Variants in PPP2R2B observed in about 807,000 individuals in gnomAD.
PPP2R2B encodes the protein serine/threonine-protein phosphatase 2A 55 kDa regulatory subunit B beta isoform.
Under a neutral mutation model 46.0 loss-of-function variants are expected in PPP2R2B, and 5 were observed. The observed-to-expected ratio is 0.11, with a 90% CI of 0.06 to 0.23. The LOEUF is 0.23. PPP2R2B is among the 10% of genes least tolerant of loss of function. PPP2R2B has a pLI of 1.00. For synonymous variants in PPP2R2B, 215 were observed against 206.7 expected, an observed-to-expected ratio of 1.04 and a Z score of -0.34; for missense variants, 367 against 575.0, an observed-to-expected ratio of 0.64 and a Z score of 3.70.
At chr5:146,910,482 A>T (rs1415366381) in intron 1 of PPP2R2B, among the ~76,000 whole-genome samples, 1 of 152,162 alleles carries the variant, frequency 6.6e-6, no homozygotes, top group African/African-American at 2.4e-5. Context: ...TTTATCCTTA[A>T]ATTTTGTGCC....
chr5:146,592,012 CAG>C (rs1381798050), intron 9 of PPP2R2B: 1 of 339,744 alleles, frequency 2.9e-6, no homozygotes, highest in Non-Finnish European at 5.6e-6. Flanking sequence ...GCAATAATAA[CAG>C]ATATGTAAAT....
chr5:147,071,637 A>ATT (rs143497424), intron 2 of PPP2R2B, among the ~76,000 whole-genome samples: 11 of 149,650 alleles, frequency 7.4e-5, no homozygotes, highest in African/African-American at 2.7e-4. Flanking sequence ...ACAAGACGAT[A>ATT]TTTTTTTTTT....
At chr5:146,701,531 C>T (rs1362168569) in intron 2 of PPP2R2B, among the ~76,000 whole-genome samples, 1 of 152,128 alleles carries the variant, frequency 6.6e-6, no homozygotes, top group African/African-American at 2.4e-5. Flanking sequence ...GGCTTCAGTT[C>T]TGGCTATTCA....
chr5:147,078,212 T>C (rs1757849497), intron 2 of PPP2R2B, among the ~76,000 whole-genome samples: 1 of 152,224 alleles, frequency 6.6e-6, no homozygotes, highest in Admixed American at 6.5e-5. Context: ...TTTATATTAA[T>C]AGCTTACAAA....
At chr5:146,820,933 G>A (rs941325139) in intron 2 of PPP2R2B, among the ~76,000 whole-genome samples, 8 of 151,810 alleles carry the variant, frequency 5.3e-5, no homozygotes, top group African/African-American at 1.7e-4. Flanking sequence ...CCTTTTCCAC[G>A]CCATGCCCTC....
chr5:147,043,036 G>A (rs908345829), intron 1 of PPP2R2B, among the ~76,000 whole-genome samples: 3 of 152,066 alleles, frequency 2.0e-5, no homozygotes, highest in African/African-American at 4.8e-5. Flanking sequence ...GTTATTTCTA[G>A]GCTGCAGAAT....
At chr5:147,048,712 C>T (rs1402452693) in intron 1 of PPP2R2B, among the ~76,000 whole-genome samples, 1 of 152,092 alleles carries the variant, frequency 6.6e-6, no homozygotes, top group African/African-American at 2.4e-5. Context: ...GAAGGTCATC[C>T]AGCAGGTAAT....
At chr5:146,669,769 T>A (rs983005710) in intron 5 of PPP2R2B, among the ~76,000 whole-genome samples, 4 of 152,300 alleles carry the variant, frequency 2.6e-5, no homozygotes, top group Non-Finnish European at 2.9e-5. Context: ...GAGCTGAGGC[T>A]CAGTGAGGTT....
At chr5:146,601,300 T>A (rs538242154) in intron 7 of PPP2R2B, among the ~76,000 whole-genome samples, 24 of 152,304 alleles carry the variant, frequency 1.6e-4, no homozygotes, top group African/African-American at 5.8e-4. Flanking sequence ...GCTCACGGTG[T>A]TTAATAGTGA....
chr5:147,011,562 C>A (rs1192788713), intron 1 of PPP2R2B, among the ~76,000 whole-genome samples: 1 of 151,564 alleles, frequency 6.6e-6, no homozygotes, highest in Non-Finnish European at 1.5e-5. Flanking sequence ...AATTGAATAC[C>A]CTTTATTTCC....
chr5:146,604,760 T>A (rs115051171), intron 7 of PPP2R2B, among the ~76,000 whole-genome samples: 2 of 152,182 alleles, frequency 1.3e-5, no homozygotes, highest in African/African-American at 4.8e-5. Context: ...GAGGAAAGGT[T>A]CAGTAAGTCA....
intron 1 of PPP2R2B, among the ~76,000 whole-genome samples, chr5:146,942,711 A>G (rs1027184379): frequency 6.6e-6 from 1 of 152,056 alleles, no homozygotes; most frequent in Non-Finnish European, 1.5e-5. Context: ...TATGTTAAAA[A>G]CTTTAAATTT....
chr5:146,698,317 A>ATATAT (rs1554126067), intron 3 of PPP2R2B, among the ~76,000 whole-genome samples, 173 bp from the exon 4 acceptor site: 2 of 85,626 alleles, frequency 2.3e-5, no homozygotes, highest in Non-Finnish European at 4.0e-5. Flanking sequence ...AAAAAAAAAA[A>ATATAT]ATATATATAT....
intron 1 of PPP2R2B, among the ~76,000 whole-genome samples, chr5:147,020,491 A>C (rs1755207504): frequency 6.6e-6 from 1 of 152,136 alleles, no homozygotes; most frequent in Admixed American, 6.6e-5. Flanking sequence ...ACTATCATAA[A>C]AGATTTGGGG....
At chr5:146,643,271 A>C (rs1775345243) in intron 6 of PPP2R2B, among the ~76,000 whole-genome samples, 1 of 152,108 alleles carries the variant, frequency 6.6e-6, no homozygotes, top group South Asian at 2.1e-4. Context: ...TTTCCAAAGA[A>C]TCTATACCCT....
chr5:146,957,010 A>G (rs189996572), intron 1 of PPP2R2B, among the ~76,000 whole-genome samples: 9 of 152,326 alleles, frequency 5.9e-5, no homozygotes, highest in African/African-American at 1.9e-4. Context: ...ATTTTGGAAT[A>G]CATAAACATT....
At chr5:146,594,686 G>A (rs1308822298) in intron 8 of PPP2R2B, among the ~76,000 whole-genome samples, 1 of 152,162 alleles carries the variant, frequency 6.6e-6, no homozygotes, top group Non-Finnish European at 1.5e-5. Flanking sequence ...CAGAAGGGGA[G>A]GGAACTGAGC....
intron 1 of PPP2R2B, among the ~76,000 whole-genome samples, chr5:146,980,925 C>A (rs1166501900): frequency 6.6e-6 from 1 of 151,396 alleles, no homozygotes; most frequent in Non-Finnish European, 1.5e-5. Flanking sequence ...TGGAGGAGGA[C>A]CTTTAAACAT....
At chr5:146,878,836 G>A, upstream of PPP2R2B, 1 of 1,239,516 alleles carries the variant, frequency 8.1e-7, no homozygotes, top group Non-Finnish European at 1.0e-6. The surrounding 1 kb of genome is among the most constrained non-coding windows in gnomAD (Gnocchi z 4.5). Flanking sequence ...CTCTTTCCCA[G>A]CAGCAGTGGT....
Sources: allele counts gnomAD v4.1 joint callset (sites outside exome capture counted in the v4.1 genomes callset), GRCh38; gene constraint gnomAD v4.1.1; non-coding constraint Gnocchi (gnomAD v3.1); transcripts MANE v1.5; gene names NCBI Gene and HGNC (gene_info 2026-07-23, HGNC 2026-07-21).